Variants in CDC37L1 observed in about 807,000 individuals in gnomAD.
CDC37L1 encodes the protein cell division cycle 37 like 1, HSP90 cochaperone.
A neutral mutation model predicts 45.9 loss-of-function variants in CDC37L1; 32 were observed. The ratio of observed to expected loss-of-function variants is 0.70; its 90% CI spans 0.53 to 0.94. The LOEUF (loss-of-function observed/expected upper bound fraction) is 0.94. CDC37L1 is among the 40% of genes least tolerant of loss of function. CDC37L1 has a pLI of 0.00. For missense variants in CDC37L1, 434 were observed against 405.7 expected, an observed-to-expected ratio of 1.07 and a Z score of -0.60; for synonymous variants, 150 against 133.0, an observed-to-expected ratio of 1.13 and a Z score of -0.88.
chr9:4,700,884 T>C (rs997443787), intron 5 of CDC37L1, among the ~76,000 whole-genome samples: 1 of 152,218 alleles, frequency 6.6e-6, no homozygotes. Flanking sequence ...ACCTTAAGCA[T>C]GCAATGAGGA....
At chr9:4,700,648 C>CT (rs1211644011) in intron 5 of CDC37L1, among the ~76,000 whole-genome samples, 2 of 152,126 alleles carry the variant, frequency 1.3e-5, no homozygotes, top group South Asian at 2.1e-4. Context: ...CTTAATAATA[C>CT]TTTTTTTTAA....
Position 4,685,042 on chromosome 9 carries a change from G to A in CDC37L1, c.298G>A (p.Val100Ile), listed in dbSNP as rs773728369. ...DQEHAKAQTAVSELRQREEEW... is the reference protein window; with the variant it reads ...DQEHAKAQTAISELRQREEEW... ...GGAGCATGCCAAAGCACAAACAGCA[G>A]TATCAGAACTGAGGCAACGGGAAGA... The change falls in exon 2 of 7, where the codon GTA becomes ATA. Residue 100 changes from valine (V) to isoleucine (I), a missense_variant. Physicochemically the swap from Val to Ile is conservative, Grantham distance 29. Coordinates refer to ENST00000381854, the MANE Select transcript of CDC37L1 (RefSeq NM_017913.4). 3.1e-6 allele frequency: 5 copies of A among 1,613,986 alleles called. No homozygotes were observed. Among genetic ancestry groups the A allele is most frequent in the Non-Finnish European group, 4.2e-6 (5 of 1,179,964 alleles).
intron 2 of CDC37L1, 88 bp downstream of exon 2, chr9:4,685,246 G>C (rs753293852): frequency 6.9e-6 from 7 of 1,021,160 alleles, no homozygotes; most frequent in Non-Finnish European, 1.0e-5. Flanking sequence ...CAAAGCAGCA[G>C]AATCCCATAA....
At position 4,693,438 on chromosome 9, in the gene CDC37L1, G is replaced by C. The variant is rs1000046691; in HGVS notation, c.509-3658G>C. On this transcript the variant is annotated intron_variant, in intron 3 of 6. Coordinates refer to ENST00000381854, the MANE Select transcript of CDC37L1 (RefSeq NM_017913.4). ...AGCCTAGACAACAGAGGAATAACCT[G>C]TCTCTCAAGATAAAGAAATAAATTA... is the stretch of plus-strand genomic sequence containing the variant. Among the ~76,000 whole-genome samples, 11 of 152,044 alleles carry C rather than the reference G, an allele frequency of 7.2e-5. No homozygotes were observed. In the East Asian group the frequency reaches 1.9e-3, roughly 27 times the overall value.
intron 6 of CDC37L1, among the ~76,000 whole-genome samples, chr9:4,705,243 C>T (rs1328028138): frequency 6.6e-6 from 1 of 152,060 alleles, no homozygotes; most frequent in East Asian, 1.9e-4. Flanking sequence ...AAGTAACTAG[C>T]AGATATTCGG....
intron 2 of CDC37L1, among the ~76,000 whole-genome samples, chr9:4,687,697 A>G (rs865974185): frequency 1.3e-5 from 2 of 151,016 alleles, no homozygotes; most frequent in Non-Finnish European, 3.0e-5. Flanking sequence ...AAAAAAAAAA[A>G]AAAAGACACG....
At chr9:4,700,772 CTA>C (rs1342389923) in intron 5 of CDC37L1, among the ~76,000 whole-genome samples, 1 of 152,106 alleles carries the variant, frequency 6.6e-6, no homozygotes, top group Non-Finnish European at 1.5e-5. Flanking sequence ...ATTACTGTTG[CTA>C]TCTTATGGGT....
At chr9:4,691,758 G>C (rs531198967) in intron 3 of CDC37L1, among the ~76,000 whole-genome samples, 1 of 152,118 alleles carries the variant, frequency 6.6e-6, no homozygotes, top group African/African-American at 2.4e-5. Context: ...GTGGTAAATG[G>C]TACAATATAT....
At position 4,679,791 on chromosome 9, in the gene CDC37L1, G is replaced by A; in HGVS notation, c.24G>A (p.Pro8=). MEQPWPP[P]GPWSLPRAEG... is the part of the protein sequence containing the mutation. Reference sequence around the variant, plus strand: ...ACATGGAACAACCGTGGCCGCCTCCGGGACCCTGGAGCCTCCCTCGGGCCG... The same window carrying A: ...ACATGGAACAACCGTGGCCGCCTCCAGGACCCTGGAGCCTCCCTCGGGCCG... Residue 8 remains proline (P), a synonymous_variant, in exon 1 of 7, where the codon CCG becomes CCA. Coordinates refer to ENST00000381854, the MANE Select transcript of CDC37L1 (RefSeq NM_017913.4). 7.4e-6 allele frequency: 12 copies of A among 1,613,418 alleles called. No individual in the cohort carries two copies. Among genetic ancestry groups the A allele is most frequent in the Non-Finnish European group, 1.0e-5 (12 of 1,179,690 alleles).
chr9:4,701,767 C>A, intron 5 of CDC37L1, 97 bp from the exon 6 acceptor site: 1 of 782,620 alleles, frequency 1.3e-6, no homozygotes, highest in Non-Finnish European at 2.0e-6. Flanking sequence ...CTTGTCATTA[C>A]TTCCTCCACT....
At chr9:4,681,362 G>C (rs1018012027) in intron 1 of CDC37L1, among the ~76,000 whole-genome samples, 1 of 152,178 alleles carries the variant, frequency 6.6e-6, no homozygotes, top group Non-Finnish European at 1.5e-5. Flanking sequence ...TAACTAGTTA[G>C]TGGCCAGGTT....
At chr9:4,702,638 T>C (rs994981181) in intron 6 of CDC37L1, among the ~76,000 whole-genome samples, 16 of 151,806 alleles carry the variant, frequency 1.1e-4, no homozygotes, top group Non-Finnish European at 1.9e-4. Flanking sequence ...TCCCAGCACT[T>C]TGGAAGGCCG....
intron 6 of CDC37L1, chr9:4,703,232 C>A: frequency 1.2e-6 from 1 of 831,746 alleles, no homozygotes; most frequent in Non-Finnish European, 1.7e-6. Flanking sequence ...TTTTCAGTGG[C>A]TTGACCTTAT....
intron 5 of CDC37L1, among the ~76,000 whole-genome samples, chr9:4,700,009 A>C (rs940534195): frequency 2.6e-5 from 4 of 152,014 alleles, no homozygotes; most frequent in Admixed American, 6.6e-5. Flanking sequence ...TTAAAAAAAA[A>C]CTCTCAATGT....
In CDC37L1 at chr9:4,700,358, G is replaced by A. The variant is rs140542090; in HGVS notation, c.748-1506G>A. On this transcript the variant is annotated intron_variant, in intron 5 of 6. Coordinates refer to ENST00000381854, the MANE Select transcript of CDC37L1 (RefSeq NM_017913.4). ...AGACACGGTCTCACTGTGTTGCCCA[G>A]GCTGGTCTCGAACTTCTGGGCTCAA... Among the ~76,000 whole-genome samples, 230 of 152,120 alleles carry A rather than the reference G, an allele frequency of 1.5e-3. 2 individuals are homozygous for A. In the South Asian group the frequency reaches 0.024, roughly 16 times the overall value.
At chr9:4,691,649 T>C (rs946759368) in intron 3 of CDC37L1, among the ~76,000 whole-genome samples, 1 of 152,162 alleles carries the variant, frequency 6.6e-6, no homozygotes, top group Non-Finnish European at 1.5e-5. Flanking sequence ...TTTGTACTTA[T>C]ATTCTTCAGA....
At chr9:4,695,125 C>G (rs1479148419) in intron 3 of CDC37L1, among the ~76,000 whole-genome samples, 1 of 152,144 alleles carries the variant, frequency 6.6e-6, no homozygotes, top group Non-Finnish European at 1.5e-5. Flanking sequence ...ATAGGATTTA[C>G]TTTGTGGGTT....
chr9:4,690,388 G>A (rs1476971907), intron 3 of CDC37L1, among the ~76,000 whole-genome samples: 3 of 152,108 alleles, frequency 2.0e-5, no homozygotes, highest in African/African-American at 7.2e-5. Context: ...ATGGCTGGCT[G>A]ATCTCTGCAG....
At chr9:4,697,002 T>G in intron 3 of CDC37L1, 94 bp from the exon 4 acceptor site, 1 of 638,250 alleles carries the variant, frequency 1.6e-6, no homozygotes, top group Non-Finnish European at 2.8e-6. Flanking sequence ...AAAATACCAT[T>G]GAGAGATTAA....
Sources: allele counts gnomAD v4.1 joint callset (sites outside exome capture counted in the v4.1 genomes callset), GRCh38; gene constraint gnomAD v4.1.1; transcripts MANE v1.5; gene names NCBI Gene and HGNC (gene_info 2026-07-23, HGNC 2026-07-21).